CSMD1: variants seen among roughly 807,000 people sequenced by gnomAD.
CSMD1 encodes CUB and Sushi multiple domains 1.
In CSMD1, 213 loss-of-function variants were observed where a neutral mutation model predicts 417.5. The observed-to-expected ratio is 0.51, with a 90% CI of 0.46 to 0.57. The LOEUF (loss-of-function observed/expected upper bound fraction) is 0.57, where lower values mean the gene tolerates loss of function less well. Among genes scored for constraint, CSMD1 ranks in the 20% least tolerant of loss-of-function variants. The probability of loss-of-function intolerance (pLI) is 0.00; values close to 1 mark genes in which losing one functional copy is unlikely to be tolerated. For missense variants in CSMD1, 6,923 were observed against 4,529.7 expected (o/e 1.53, Z -15.17); for synonymous variants, 2,862 against 1,736.8 (o/e 1.65, Z -16.11).
intron 51 of CSMD1, among the ~76,000 whole-genome samples, chr8:3,023,693 G>A (rs1809625303): frequency 6.6e-6 from 1 of 152,096 alleles, no homozygotes; most frequent in Non-Finnish European, 1.5e-5. Flanking sequence ...TGTCATGAAT[G>A]TGATTAATAG....
At chr8:3,846,715 T>TGGTGCAACCTTGACTC (rs1173964194) in intron 5 of CSMD1, among the ~76,000 whole-genome samples, 4 of 152,166 alleles carry the variant, frequency 2.6e-5, no homozygotes, top group African/African-American at 4.8e-5. Context: ...TGGAGTGCAG[T>TGGTGCAACCTTGACTC]GGTGCAACCT....
chr8:4,229,373 C>G (rs1006449253), intron 3 of CSMD1, among the ~76,000 whole-genome samples: 1 of 152,222 alleles, frequency 6.6e-6, no homozygotes, highest in African/African-American at 2.4e-5. Context: ...ATCAACAAAG[C>G]AGCCCTAAGA....
intron 3 of CSMD1, among the ~76,000 whole-genome samples, chr8:4,034,268 A>G (rs572937411): frequency 6.6e-6 from 1 of 152,332 alleles, no homozygotes; most frequent in Non-Finnish European, 1.5e-5. Flanking sequence ...TAGGAAATAA[A>G]TACTAGTGTT....
rs1459701655 is a variant in CSMD1, at chr8:4,195,116, A to G, written c.416-163017T>C. ...AAATTGGAAACAGAAACCAGATGAA[A>G]CATTTTAAAGGAAAAATTCTACTTT... On this transcript the variant is annotated intron_variant, in intron 3 of 69. Coordinates refer to ENST00000635120, the MANE Select transcript of CSMD1 (RefSeq NM_033225.6). Among the ~76,000 whole-genome samples the G allele has an allele frequency of 2.0e-5, 3 of 152,238 alleles. No homozygotes were observed. In the East Asian group the frequency reaches 5.8e-4, roughly 29 times the overall value.
intron 2 of CSMD1, among the ~76,000 whole-genome samples, chr8:4,592,818 T>G (rs1345601728): frequency 6.6e-6 from 1 of 152,236 alleles, no homozygotes; most frequent in African/African-American, 2.4e-5. Context: ...CGAAATATCC[T>G]GTTGTTTAAT....
chr8:3,824,122 A>G (rs766261098), intron 5 of CSMD1, among the ~76,000 whole-genome samples: 1 of 152,202 alleles, frequency 6.6e-6, no homozygotes, highest in Non-Finnish European at 1.5e-5. Flanking sequence ...GCTATGTCGG[A>G]AGAAATATCT....
At chr8:3,962,776 C>T (rs929194715) in intron 5 of CSMD1, among the ~76,000 whole-genome samples, 1 of 152,076 alleles carries the variant, frequency 6.6e-6, no homozygotes, top group African/African-American at 2.4e-5. Context: ...TATGTTTCCA[C>T]AATATTCATA....
chr8:4,273,614 G>T (rs1220787128), intron 3 of CSMD1, among the ~76,000 whole-genome samples: 1 of 152,122 alleles, frequency 6.6e-6, no homozygotes, highest in East Asian at 1.9e-4. Context: ...CAAATTAAAT[G>T]AGGTTTTCTG....
chr8:4,407,407 G>C (rs1805107353), intron 3 of CSMD1, among the ~76,000 whole-genome samples: 1 of 152,100 alleles, frequency 6.6e-6, no homozygotes, highest in African/African-American at 2.4e-5. Context: ...CTTGTGTTTA[G>C]GTTGCTGCAA....
chr8:4,424,923 A>C (rs1369737802), intron 2 of CSMD1, among the ~76,000 whole-genome samples: 1 of 152,132 alleles, frequency 6.6e-6, no homozygotes, highest in Non-Finnish European at 1.5e-5. Flanking sequence ...AATTAAATAC[A>C]TTGGAAAGGT....
At chr8:4,092,807 C>T (rs1472988978) in intron 3 of CSMD1, among the ~76,000 whole-genome samples, 2 of 151,732 alleles carry the variant, frequency 1.3e-5, no homozygotes, top group African/African-American at 4.8e-5. Flanking sequence ...TTTAATAGAC[C>T]AATATTTTTA....
chr8:4,008,227 C>G (rs1016526381), intron 4 of CSMD1, among the ~76,000 whole-genome samples: 2 of 149,676 alleles, frequency 1.3e-5, no homozygotes, highest in Non-Finnish European at 2.9e-5. Flanking sequence ...CCATCAAGTT[C>G]AAGTTTAACT....
At chr8:3,046,972 G>C (rs962837423) in intron 50 of CSMD1, among the ~76,000 whole-genome samples, 5 of 152,268 alleles carry the variant, frequency 3.3e-5, no homozygotes, top group Admixed American at 2.6e-4. Context: ...CACTTTGGGA[G>C]GCCGAGGCGG....
chr8:4,035,117 C>T (rs1413883014), intron 3 of CSMD1, among the ~76,000 whole-genome samples: 3 of 152,108 alleles, frequency 2.0e-5, no homozygotes, highest in African/African-American at 4.8e-5. Context: ...TGCCTAACAA[C>T]AGCTCAATGA....
intron 3 of CSMD1, among the ~76,000 whole-genome samples, chr8:4,312,371 G>C (rs1585209780): frequency 1.1e-5 from 1 of 93,442 alleles, no homozygotes; most frequent in South Asian, 3.7e-4. Flanking sequence ...ACTTTTAATG[G>C]AACAAATATA....
At chr8:4,409,419 T>A (rs550078222) in intron 3 of CSMD1, among the ~76,000 whole-genome samples, 22 of 152,284 alleles carry the variant, frequency 1.4e-4, no homozygotes, top group Admixed American at 2.6e-4. Flanking sequence ...CCCATATTCT[T>A]GTCATTTTAG....
chr8:4,282,231 A>G (rs1432872340), intron 3 of CSMD1, among the ~76,000 whole-genome samples: 1 of 152,238 alleles, frequency 6.6e-6, no homozygotes, highest in Non-Finnish European at 1.5e-5. Flanking sequence ...ATAAAATCTT[A>G]CAACTGCATG....
At chr8:4,407,449 C>T (rs1465675241) in intron 3 of CSMD1, among the ~76,000 whole-genome samples, 3 of 152,106 alleles carry the variant, frequency 2.0e-5, no homozygotes, top group African/African-American at 7.2e-5. Flanking sequence ...GTGATTAAAT[C>T]AAAAGTATGT....
At chr8:3,761,055 G>C (rs946995286) in intron 5 of CSMD1, among the ~76,000 whole-genome samples, 27 of 151,972 alleles carry the variant, frequency 1.8e-4, no homozygotes, top group Non-Finnish European at 4.4e-5. Context: ...AGAACAACCT[G>C]ATCAAACAGA....
Sources: allele counts gnomAD v4.1 joint callset (sites outside exome capture counted in the v4.1 genomes callset), GRCh38; gene constraint gnomAD v4.1.1; transcripts MANE v1.5; gene names NCBI Gene and HGNC (gene_info 2026-07-23, HGNC 2026-07-21).